PATJ: variants seen among roughly 807,000 people sequenced by gnomAD.
The protein encoded by PATJ is inaD-like protein.
A neutral mutation model predicts 224.9 loss-of-function variants in PATJ; 190 were observed. The observed-to-expected ratio is 0.84, with a 90% CI of 0.75 to 0.95. PATJ has a LOEUF of 0.95. Among genes scored for constraint, PATJ ranks in the 40% least tolerant of loss-of-function variants. PATJ has a pLI of 0.00. For synonymous variants in PATJ, 769 were observed against 820.3 expected, an observed-to-expected ratio of 0.94 and a Z score of 1.07; for missense variants, 2,121 against 2,270.3, an observed-to-expected ratio of 0.93 and a Z score of 1.34.
At chr1:61,853,342 A>G (rs1359402244) in intron 17 of PATJ, among the ~76,000 whole-genome samples, 1 of 152,160 alleles carries the variant, frequency 6.6e-6, no homozygotes, top group Non-Finnish European at 1.5e-5. Context: ...GTTAAAAATA[A>G]TATTTTTAAA....
At chr1:62,103,145 A>G (rs1413381742) in intron 33 of PATJ, among the ~76,000 whole-genome samples, 2 of 152,194 alleles carry the variant, frequency 1.3e-5, no homozygotes, top group Non-Finnish European at 2.9e-5. Context: ...TTGATGCCAT[A>G]TGGAAAATCC....
At chr1:61,825,387 C>G (rs757981275) in intron 15 of PATJ, among the ~76,000 whole-genome samples, 1 of 152,068 alleles carries the variant, frequency 6.6e-6, no homozygotes, top group Non-Finnish European at 1.5e-5. Context: ...AGTTGAAGGA[C>G]CTTGAGAAGT....
chr1:61,855,466 C>CCA (rs1344579223), intron 17 of PATJ, among the ~76,000 whole-genome samples: 1 of 152,122 alleles, frequency 6.6e-6, no homozygotes, highest in Non-Finnish European at 1.5e-5. Flanking sequence ...GAGCTCTGAA[C>CCA]CACAGCTCAC....
At chr1:61,754,938 T>C (rs1254864534) in intron 1 of PATJ, among the ~76,000 whole-genome samples, 2 of 152,026 alleles carry the variant, frequency 1.3e-5, no homozygotes, top group African/African-American at 2.4e-5. Context: ...AACCAATTTC[T>C]ACCCTTAATC....
At chr1:62,124,319 T>G (rs1362912182) in intron 39 of PATJ, among the ~76,000 whole-genome samples, 1 of 151,984 alleles carries the variant, frequency 6.6e-6, no homozygotes, top group African/African-American at 2.4e-5. Flanking sequence ...CTGCCCTCAA[T>G]CGATCCGACC....
intron 1 of PATJ, among the ~76,000 whole-genome samples, chr1:61,753,141 A>C (rs1645424901): frequency 6.6e-6 from 1 of 152,222 alleles, no homozygotes; most frequent in African/African-American, 2.4e-5. Context: ...AATTTTTGAA[A>C]AACTTCAGAA....
At chr1:61,849,570 G>A (rs1006041406) in intron 17 of PATJ, among the ~76,000 whole-genome samples, 6 of 152,152 alleles carry the variant, frequency 3.9e-5, no homozygotes, top group Admixed American at 1.3e-4. Flanking sequence ...TCAAGCCTGG[G>A]CGACAGAGTG....
At chr1:61,867,385 C>A (rs1318271775) in intron 20 of PATJ, among the ~76,000 whole-genome samples, 1 of 152,098 alleles carries the variant, frequency 6.6e-6, no homozygotes, top group East Asian at 1.9e-4. Context: ...ACTGATTCAG[C>A]CATACTTGCT....
chr1:62,141,919 G>A (rs564319694), intron 41 of PATJ, among the ~76,000 whole-genome samples: 2 of 146,828 alleles, frequency 1.4e-5, no homozygotes, highest in East Asian at 4.1e-4. Context: ...GCAGTGAGCC[G>A]AGATTGTGCC....
At chr1:61,773,220 C>T (rs1232808603) in intron 6 of PATJ, among the ~76,000 whole-genome samples, 2 of 152,152 alleles carry the variant, frequency 1.3e-5, no homozygotes, top group African/African-American at 4.8e-5. Flanking sequence ...GATGGGGTTT[C>T]ACCATGTTGG....
At chr1:62,149,206 T>C (rs1668382620) in intron 42 of PATJ, among the ~76,000 whole-genome samples, 1 of 151,858 alleles carries the variant, frequency 6.6e-6, no homozygotes, top group South Asian at 2.1e-4. Flanking sequence ...ATCCCAAAAT[T>C]CTGACTAGGT....
chr1:62,096,273 A>T (rs968069944), intron 33 of PATJ, among the ~76,000 whole-genome samples: 13 of 152,288 alleles, frequency 8.5e-5, no homozygotes, highest in Middle Eastern at 3.4e-3. Flanking sequence ...ACCACTGTAC[A>T]TTTGAGAATG....
chr1:62,140,568 A>G (rs1432336820), intron 41 of PATJ, among the ~76,000 whole-genome samples: 2 of 151,966 alleles, frequency 1.3e-5, no homozygotes, highest in Non-Finnish European at 2.9e-5. Context: ...CACTAGAATC[A>G]CTTGAACCTG....
intron 28 of PATJ, among the ~76,000 whole-genome samples, chr1:61,999,385 A>G (rs183215107): frequency 7.0e-4 from 107 of 152,214 alleles, no homozygotes; most frequent in African/African-American, 2.3e-3. Flanking sequence ...CTTTATTTGT[A>G]TATTTTCTGC....
chr1:62,040,178 G>A (rs953044046), intron 30 of PATJ, among the ~76,000 whole-genome samples: 9 of 148,330 alleles, frequency 6.1e-5, no homozygotes, highest in East Asian at 2.0e-4. Flanking sequence ...GTGTGATCTC[G>A]GCTCTCTGCA....
intron 1 of PATJ, among the ~76,000 whole-genome samples, chr1:61,757,870 T>C (rs932984360): frequency 6.6e-5 from 10 of 152,108 alleles, no homozygotes; most frequent in African/African-American, 2.4e-4. Context: ...CATGCTGATG[T>C]TGAACTCCTG....
At chr1:61,987,592 C>G (rs1349843523) in intron 27 of PATJ, among the ~76,000 whole-genome samples, 18 of 152,140 alleles carry the variant, frequency 1.2e-4, no homozygotes. Context: ...CTCCTCTCAA[C>G]CCCCCATCCC....
At chr1:61,810,499 C>T (rs1224196720) in intron 14 of PATJ, among the ~76,000 whole-genome samples, 1 of 151,874 alleles carries the variant, frequency 6.6e-6, no homozygotes, top group Non-Finnish European at 1.5e-5. Flanking sequence ...AAGTTCGAGA[C>T]CAGCCTGGCC....
At chr1:62,028,964 A>AATACATACATAC (rs66669120) in intron 29 of PATJ, among the ~76,000 whole-genome samples, 42,231 of 147,312 alleles carry the variant, frequency 0.29, 6,975 homozygotes, top group Middle Eastern at 0.45. Context: ...CCTGTCTCAA[A>AATACATACATAC]ATACATACAT....
Sources: allele counts gnomAD v4.1 joint callset (sites outside exome capture counted in the v4.1 genomes callset), GRCh38; gene constraint gnomAD v4.1.1; transcripts MANE v1.5; gene names NCBI Gene and HGNC (gene_info 2026-07-23, HGNC 2026-07-21).